The following HTRA3 variants were observed in gnomAD, a reference collection of about 807,000 sequenced individuals.
HTRA3 encodes the protein HtrA serine peptidase 3, also known as serine protease HTRA3.
HTRA3 carries 41 observed loss-of-function variants against 43.2 expected under a neutral mutation model. The ratio of observed to expected loss-of-function variants is 0.95; its 90% CI spans 0.74 to 1.23. The LOEUF is 1.23. HTRA3 is among the 50% of genes most tolerant of loss of function. The probability of loss-of-function intolerance (pLI) is 0.00; values close to 1 mark genes in which losing one functional copy is unlikely to be tolerated. For missense variants in HTRA3, 628 were observed against 647.1 expected (o/e 0.97, Z 0.32); for synonymous variants, 295 against 287.9 (o/e 1.02, Z -0.25).
chr4:8,275,334 C>T (rs556411406), intron 1 of HTRA3, among the ~76,000 whole-genome samples: 1 of 152,338 alleles, frequency 6.6e-6, no homozygotes, highest in East Asian at 1.9e-4. Context: ...CCGGACCCTC[C>T]CTGCCGAAAG....
rs769062866 is a variant in HTRA3 at position 8,291,532 on chromosome 4, A to G, written c.871A>G (p.Met291Val). The G allele has an allele frequency of 6.2e-7, 1 of 1,609,432 alleles. No individual in the cohort carries two copies. The highest frequency in any genetic ancestry group is 2.2e-5 in the East Asian group (1 of 44,768). ...GGAGCTGGGCCTCCGGGACTCCGACATGGACTACATCCAGACGGATGCCAT... is the reference window on the plus strand; with the variant it reads ...GGAGCTGGGCCTCCGGGACTCCGACGTGGACTACATCCAGACGGATGCCAT... The part of the protein sequence containing the change: ...GRELGLRDSD[M>V]DYIQTDAIIN... The change falls in exon 4 of 9, where the codon ATG (methionine) becomes GTG (valine). Residue 291 changes from methionine (M) to valine (V), a missense_variant. By Grantham distance (21) the Met-to-Val change is conservative. Transcript: ENST00000307358.
chr4:8,287,025 A>G (rs919563236), intron 3 of HTRA3, among the ~76,000 whole-genome samples: 1 of 152,196 alleles, frequency 6.6e-6, no homozygotes, highest in Admixed American at 6.5e-5. Flanking sequence ...GCCAGGAAGC[A>G]TGTGGCCCAC....
rs188471689 is a variant in HTRA3 at position 8,283,032 on chromosome 4, G to A, written c.485+496G>A. Among the ~76,000 whole-genome samples, 304 of 152,310 alleles carry A rather than the reference G, an allele frequency of 2.0e-3. 3 individuals carry two copies. Among genetic ancestry groups the A allele is most frequent in the Non-Finnish European group, 5.4e-4 (37 of 68,024 alleles). On this transcript the variant is annotated intron_variant, in intron 2 of 8. Coordinates refer to ENST00000307358, the MANE Select transcript of HTRA3 (RefSeq NM_053044.5). The stretch of plus-strand genomic sequence containing the variant: ...CGGGAGCTGGGCCAGTGGATGCAGG[G>A]CAGTGGGGGCAGCTCGCAAGCACCG...
intron 1 of HTRA3, among the ~76,000 whole-genome samples, chr4:8,274,021 C>T (rs530559099): frequency 6.6e-6 from 1 of 152,304 alleles, no homozygotes; most frequent in Non-Finnish European, 1.5e-5. Flanking sequence ...ACTTCTCACA[C>T]AGCAGCCAGG....
In HTRA3 at chr4:8,270,360, G is replaced by T; in HGVS notation, c.385+7G>T. The T allele has an allele frequency of 1.4e-6, 2 of 1,398,184 alleles. No individual in the cohort carries two copies. Among genetic ancestry groups the T allele is most frequent in the Non-Finnish European group, 1.8e-6 (2 of 1,082,370 alleles). The allele number at this position is 1,398,184 out of a possible 1,614,324, so 86.6% of individuals were successfully genotyped here. A position where few individuals can be genotyped will look rare whatever the true frequency, so the allele number is the denominator to read the frequency against. On this transcript the variant is annotated splice_region_variant and intron_variant, in intron 1 of 8. Coordinates refer to ENST00000307358, the MANE Select transcript of HTRA3 (RefSeq NM_053044.5). The stretch of plus-strand genomic sequence containing the variant: ...AAGGGCGCCTGCCCGTTGGGTAAGC[G>T]CTCGGGGGCCAGGGAGGAAGTGAAG...
chr4:8,301,783 A>G (rs1713664434), intron 6 of HTRA3, among the ~76,000 whole-genome samples: 1 of 152,230 alleles, frequency 6.6e-6, no homozygotes, highest in Non-Finnish European at 1.5e-5. Context: ...TTTGAAGATG[A>G]GTAATTTAGA....
intron 1 of HTRA3, among the ~76,000 whole-genome samples, chr4:8,277,084 G>A (rs981240678): frequency 3.3e-5 from 5 of 152,186 alleles, no homozygotes; most frequent in Admixed American, 6.5e-5. Flanking sequence ...TCCCGCCTGC[G>A]TTCCACATGA....
chr4:8,277,404 G>A (rs561112183), intron 1 of HTRA3, among the ~76,000 whole-genome samples: 13 of 152,188 alleles, frequency 8.5e-5, no homozygotes, highest in Non-Finnish European at 8.8e-5. Context: ...CCACTGCAGC[G>A]GGCCAGGTCC....
intron 7 of HTRA3, among the ~76,000 whole-genome samples, chr4:8,303,610 A>T (rs1342337295): frequency 6.6e-6 from 1 of 152,208 alleles, no homozygotes; most frequent in East Asian, 1.9e-4. Context: ...AACTCTGCTA[A>T]TCTAGGGGTG....
intron 1 of HTRA3, among the ~76,000 whole-genome samples, chr4:8,274,248 G>A (rs573250400): frequency 5.3e-5 from 8 of 152,320 alleles, no homozygotes; most frequent in African/African-American, 7.2e-5. Context: ...CCCACTGCCC[G>A]GCGTTTCCTT....
chr4:8,303,783 G>A (rs1294647949), intron 7 of HTRA3, among the ~76,000 whole-genome samples: 1 of 151,376 alleles, frequency 6.6e-6, no homozygotes, highest in Non-Finnish European at 1.5e-5. Flanking sequence ...TGTCCGTTCC[G>A]TGACTCAGCA....
Position 8,296,792 on chromosome 4 carries a change from G to T in HTRA3, c.1051+2591G>T, listed in dbSNP as rs1713473713. 6.6e-6 allele frequency among the ~76,000 whole-genome samples: 1 copy of T among 152,168 alleles called. No individual in the cohort carries two copies. Among genetic ancestry groups the T allele is most frequent in the African/African-American group, 2.4e-5 (1 of 41,444 alleles). ...AGGTGGGAGACCTCTGGCCTGGGGG[G>T]TAAACCCCTCGTTTATCCTGTGGCC... On this transcript the variant is annotated intron_variant, in intron 6 of 8. Transcript: ENST00000307358. This position sits in a 1 kb window ranked among gnomAD's most constrained non-coding sequence, Gnocchi z 5.3.
chr4:8,303,853 T>C (rs1188248621), intron 7 of HTRA3, among the ~76,000 whole-genome samples: 1 of 152,176 alleles, frequency 6.6e-6, no homozygotes, highest in Admixed American at 6.6e-5. Flanking sequence ...GCATTGCCTG[T>C]CTGTCCATTT....
At chr4:8,273,852 C>T (rs1438047603) in intron 1 of HTRA3, among the ~76,000 whole-genome samples, 2 of 152,030 alleles carry the variant, frequency 1.3e-5, no homozygotes, top group Non-Finnish European at 2.9e-5. Flanking sequence ...TGCAGCCCAG[C>T]TGTGTGGATG....
At chr4:8,300,012 G>C (rs532907557) in intron 6 of HTRA3, among the ~76,000 whole-genome samples, 1 of 152,092 alleles carries the variant, frequency 6.6e-6, no homozygotes, top group South Asian at 2.1e-4. Flanking sequence ...GCTAATTTTT[G>C]TATTTTTAGT....
Position 8,291,497 on chromosome 4 carries a change from G to A in HTRA3, c.836G>A (p.Arg279Gln), listed in dbSNP as rs972404421. 1.9e-5 allele frequency: 31 copies of A among 1,612,580 alleles called. No homozygotes were observed. Among genetic ancestry groups the A allele is most frequent in the Middle Eastern group, 3.3e-4 (2 of 6,078 alleles). ...VTTGIVSTAQREGRELGLRDS... is the reference protein window; with the variant it reads ...VTTGIVSTAQQEGRELGLRDS... ...ACGGGCATCGTCAGCACTGCCCAGC[G>A]GGAGGGCAGGGAGCTGGGCCTCCGG... Residue 279 changes from arginine (R) to glutamine (Q), a missense_variant, in exon 4 of 9, where the codon CGG becomes CAG. Coordinates refer to ENST00000307358, the MANE Select transcript of HTRA3 (RefSeq NM_053044.5).
chr4:8,280,884 G>A (rs1025031889), intron 1 of HTRA3, among the ~76,000 whole-genome samples: 10 of 152,162 alleles, frequency 6.6e-5, no homozygotes, highest in South Asian at 2.1e-4. Flanking sequence ...ACCAGAGCTC[G>A]AGCCAACCCC....
rs929379910 is a variant in HTRA3 at position 8,271,471 on chromosome 4, G to A, written c.385+1118G>A. ...GCACGCTGGGGTTCCTGGGAGCCCC[G>A]TGTGGGAAGCATCATTCGAGATTAG... On this transcript the variant is annotated intron_variant, in intron 1 of 8. Transcript: ENST00000307358. Among the ~76,000 whole-genome samples, 5 of 152,306 alleles carry A rather than the reference G, an allele frequency of 3.3e-5. No individual in the cohort carries two copies. The South Asian group carries it at 6.2e-4, about 19-fold the overall frequency.
chr4:8,295,365 C>G lies in HTRA3; in HGVS notation c.1051+1164C>G, dbSNP rs1187332998. 1.3e-5 allele frequency among the ~76,000 whole-genome samples: 2 copies of G among 152,034 alleles called. No homozygotes were observed. The highest frequency in any genetic ancestry group is 2.9e-5 in the Non-Finnish European group (2 of 67,988). On this transcript the variant is annotated intron_variant, in intron 6 of 8. Transcript: ENST00000307358. The surrounding 1 kb of genome is among the most constrained non-coding windows in gnomAD (Gnocchi z 6.9). ...ATTTCCTTGCCCCCATTTCCTCACCCCATCAAAAAGGGATACCCAGCCCAC... is the reference window on the plus strand; with the variant it reads ...ATTTCCTTGCCCCCATTTCCTCACCGCATCAAAAAGGGATACCCAGCCCAC...
Sources: allele counts gnomAD v4.1 joint callset (sites outside exome capture counted in the v4.1 genomes callset), GRCh38; gene constraint gnomAD v4.1.1; non-coding constraint Gnocchi (gnomAD v3.1); transcripts MANE v1.5; gene names NCBI Gene and HGNC (gene_info 2026-07-23, HGNC 2026-07-21).